The following PCDHGA1 variants were observed in gnomAD, a reference collection of about 807,000 sequenced individuals.
The protein encoded by PCDHGA1 is protocadherin gamma-A1.
A neutral mutation model predicts 58.0 loss-of-function variants in PCDHGA1; 32 were observed. The ratio of observed to expected loss-of-function variants is 0.55; its 90% confidence interval spans 0.42 to 0.74. The LOEUF is 0.74. PCDHGA1 is among the 30% of genes least tolerant of loss of function. The pLI is 0.00. For synonymous variants in PCDHGA1, 498 were observed against 501.1 expected (o/e 0.99, Z 0.08); for missense variants, 1,205 against 1,182.3 (o/e 1.02, Z -0.28).
At chr5:141,442,895 A>G (rs1381559903) in intron 1 of PCDHGA1, among the ~76,000 whole-genome samples, 5 of 152,182 alleles carry the variant, frequency 3.3e-5, no homozygotes, top group African/African-American at 1.2e-4. Context: ...CCTGCTTATC[A>G]CTTCTCCTTC....
Position 141,432,794 on chromosome 5 carries a change from G to C in PCDHGA1, c.2422-62013G>C. 3 of 1,614,138 alleles carry C rather than the reference G, an allele frequency of 1.9e-6. No homozygotes were observed. The highest frequency in any genetic ancestry group is 1.7e-5 in the Admixed American group (1 of 60,026). ...AGTCCTGGCGGACCTCGGCAGCCTC[G>C]AGTCTCCAGCTAACTCTGAAACCTC... On this transcript the variant is annotated intron_variant, in intron 1 of 3. Coordinates refer to ENST00000517417, the MANE Select transcript of PCDHGA1 (RefSeq NM_018912.3). The surrounding 1 kb of genome is among the most constrained non-coding windows in gnomAD (Gnocchi z 6.0).
At chr5:141,340,699 G>A in intron 1 of PCDHGA1, 1 of 1,614,158 alleles carries the variant, frequency 6.2e-7, no homozygotes, top group Non-Finnish European at 8.5e-7. Flanking sequence ...CTGGCGTGGA[G>A]CTGGCGCCCC....
chr5:141,346,026 G>A lies in PCDHGA1; in HGVS notation c.2421+12921G>A, dbSNP rs974585151. On this transcript the variant is annotated intron_variant, in intron 1 of 3. Transcript: ENST00000517417. ...CACTGTCACGCTCACCGTGGCCGTG[G>A]CCGACAGGATCCCCGACATCCTGGC... The A allele has an allele frequency of 1.2e-6, 2 of 1,613,464 alleles. No homozygotes were observed. The highest frequency in any genetic ancestry group is 2.2e-5 in the East Asian group (1 of 44,864).
intron 1 of PCDHGA1, chr5:141,384,815 A>G (rs1780542398): frequency 5.6e-6 from 9 of 1,613,482 alleles, no homozygotes; most frequent in East Asian, 2.2e-5. Flanking sequence ...GATGCCCTCA[A>G]GCAGAGCCTC....
In PCDHGA1 at chr5:141,486,708, C is replaced by A; in HGVS notation, c.2422-8099C>A. On this transcript the variant is annotated intron_variant, in intron 1 of 3. Transcript: ENST00000517417. The surrounding 1 kb of genome is among the most constrained non-coding windows in gnomAD (Gnocchi z 5.0). ...GCTTCCTCTTTCATCTCTCTGAACC[C>A]CCAGACAGGAGCTGTTCATGCTACT... is the stretch of plus-strand genomic sequence containing the variant. 6.2e-7 allele frequency: 1 copy of A among 1,614,180 alleles called. No individual in the cohort carries two copies. Among genetic ancestry groups the A allele is most frequent in the South Asian group, 1.1e-5 (1 of 91,084 alleles).
At chr5:141,374,833 T>C in intron 1 of PCDHGA1, 7 of 1,613,930 alleles carry the variant, frequency 4.3e-6, no homozygotes, top group Non-Finnish European at 5.9e-6. Flanking sequence ...ACCGTGTAAG[T>C]GTTCCTGAAA....
At chr5:141,359,496 TACTAGATAACTATATTATGGGCC>T (rs1761233589) in intron 1 of PCDHGA1, among the ~76,000 whole-genome samples, 2 of 151,226 alleles carry the variant, frequency 1.3e-5, no homozygotes, top group East Asian at 3.9e-4. Context: ...TATTACGGAC[TACTAGATAACTATATTATGGGCC>T]ACTAGATAAC....
intron 1 of PCDHGA1, among the ~76,000 whole-genome samples, chr5:141,347,137 C>CTCTCTCTT (rs375338309): frequency 4.4e-5 from 5 of 113,834 alleles, no homozygotes; most frequent in South Asian, 3.1e-4. Flanking sequence ...CTCTGTTTCT[C>CTCTCTCTT]TCTTTCTTTC....
At chr5:141,504,352 G>A (rs2099837588) in intron 2 of PCDHGA1, among the ~76,000 whole-genome samples, 3 of 152,016 alleles carry the variant, frequency 2.0e-5, no homozygotes, top group Admixed American at 1.3e-4. Flanking sequence ...TTTGTGCTAG[G>A]TGCTTCAGTA....
rs780532802 is a variant in PCDHGA1 at position 141,352,576 on chromosome 5, C to T, written c.2421+19471C>T. The T allele has an allele frequency of 1.3e-5, 21 of 1,613,814 alleles. No homozygotes were observed. In the Admixed American group the frequency reaches 2.0e-4, roughly 15 times the overall value. ...TCAACCTGACACCGGAAATGGCTCC[C>T]CCTCAGGATCTGCTGTGTGATGATC... On this transcript the variant is annotated intron_variant, in intron 1 of 3. Transcript: ENST00000517417.
At chr5:141,415,302 G>A in intron 1 of PCDHGA1, 3 of 1,614,212 alleles carry the variant, frequency 1.9e-6, no homozygotes, top group South Asian at 2.2e-5. Context: ...GCGTCTTCCT[G>A]GCCTTCGTCA....
At chr5:141,507,380 C>G (rs984406173) in intron 3 of PCDHGA1, 1 of 151,954 alleles carries the variant, frequency 6.6e-6, no homozygotes, top group African/African-American at 2.4e-5. Flanking sequence ...CTTTTATTTA[C>G]TAAATCTGGC....
rs372235829 is a variant in PCDHGA1, at chr5:141,381,798, C to CTCTTTCTTTCTT, written c.2421+48706_2421+48717dup. On this transcript the variant is annotated intron_variant, in intron 1 of 3. Transcript: ENST00000517417. ...ATCAGGAACAAGGCAAGGCAATTCC[C>CTCTTTCTTTCTT]TCTTTCTTTCTTTCTTTCTTTCTTC... 5.9e-4 allele frequency among the ~76,000 whole-genome samples: 85 copies of CTCTTTCTTTCTT among 144,150 alleles called. 1 individual carries two copies. Among genetic ancestry groups the CTCTTTCTTTCTT allele is most frequent in the African/African-American group, 2.2e-3 (83 of 37,512 alleles). 94.6% of individuals were successfully genotyped at this position (144,150 alleles called of 152,430 possible).
intron 1 of PCDHGA1, chr5:141,415,641 T>TAA (rs113784532): frequency 8.4e-5 from 108 of 1,280,644 alleles, no homozygotes; most frequent in African/African-American, 8.0e-4. Flanking sequence ...TTACTTTTGT[T>TAA]AAAAAAAAAA....
At chr5:141,503,384 C>G (rs898225633) in intron 2 of PCDHGA1, among the ~76,000 whole-genome samples, 1 of 151,906 alleles carries the variant, frequency 6.6e-6, no homozygotes, top group Non-Finnish European at 1.5e-5. Flanking sequence ...ATCATGAGGT[C>G]AGGAGTTCGA....
chr5:141,501,331 A>T (rs1024837974), intron 2 of PCDHGA1, among the ~76,000 whole-genome samples: 2 of 138,846 alleles, frequency 1.4e-5, no homozygotes, highest in Non-Finnish European at 1.6e-5. Flanking sequence ...ACACACACAC[A>T]CACCCCAAAC....
At chr5:141,428,141 G>A (rs1314061143) in intron 1 of PCDHGA1, 1 of 1,596,618 alleles carries the variant, frequency 6.3e-7, no homozygotes, top group Non-Finnish European at 8.6e-7. Context: ...GCCTGGGGCT[G>A]CACACGGGAA....
At chr5:141,427,857 G>A (rs746661329) in intron 1 of PCDHGA1, 36 of 1,554,574 alleles carry the variant, frequency 2.3e-5, no homozygotes, top group Non-Finnish European at 2.9e-5. Context: ...GCAGCTGTGC[G>A]CCTTCGAGCT....
rs999052081 is a variant in PCDHGA1 at position 141,332,993 on chromosome 5, T to C, written c.2309T>C (p.Phe770Ser). Residue 770 changes from phenylalanine to serine, a missense_variant, in exon 1 of 4, where the codon TTC becomes TCC. Physicochemically the swap from Phe to Ser is radical, Grantham distance 155 (BLOSUM62 -2). Coordinates refer to ENST00000517417, the MANE Select transcript of PCDHGA1 (RefSeq NM_018912.3). The surrounding 1 kb of genome is among the most constrained non-coding windows in gnomAD (Gnocchi z 4.6). ...GACTCGCGGAAGAGCCACCTGATTT[T>C]CCCCCAGCCCAACTATGCGGACACA... The part of the protein sequence containing the change: ...TADSRKSHLI[F>S]PQPNYADTLI... 14 of 1,613,904 alleles carry C rather than the reference T, an allele frequency of 8.7e-6. No individual in the cohort carries two copies. In the East Asian group the frequency reaches 8.9e-5, roughly 10 times the overall value.
Sources: allele counts gnomAD v4.1 joint callset (sites outside exome capture counted in the v4.1 genomes callset), GRCh38; gene constraint gnomAD v4.1.1; non-coding constraint Gnocchi (gnomAD v3.1); transcripts MANE v1.5; gene names NCBI Gene and HGNC (gene_info 2026-07-23, HGNC 2026-07-21).